FOCAD: variants seen among roughly 807,000 people sequenced by gnomAD.
FOCAD encodes focadhesin, also known as KIAA1797.
In FOCAD, 198 loss-of-function variants were observed where a neutral mutation model predicts 225.6. The observed-to-expected ratio is 0.88, with a 90% CI of 0.78 to 0.99. The LOEUF is 0.99. Ranked by LOEUF, FOCAD falls within the 50% of genes least tolerant of loss-of-function variation. The pLI is 0.00. For synonymous variants in FOCAD, 897 were observed against 755.0 expected (o/e 1.19, Z -3.08); for missense variants, 2,713 against 2,123.6 (o/e 1.28, Z -5.46).
At chr9:20,867,349 A>G (rs959538132) in intron 18 of FOCAD, among the ~76,000 whole-genome samples, 1 of 151,992 alleles carries the variant, frequency 6.6e-6, no homozygotes, top group Non-Finnish European at 1.5e-5. Flanking sequence ...CTAAGATTTT[A>G]TAGCACCTGT....
intron 8 of FOCAD, among the ~76,000 whole-genome samples, chr9:20,778,014 C>T (rs1292106261): frequency 1.5e-5 from 2 of 136,176 alleles, no homozygotes; most frequent in South Asian, 2.3e-4. Context: ...GGCGTGAACC[C>T]GGAAGGCGGA....
intron 15 of FOCAD, among the ~76,000 whole-genome samples, chr9:20,857,105 T>C (rs1490237591): frequency 1.3e-5 from 2 of 152,102 alleles, no homozygotes; most frequent in Non-Finnish European, 2.9e-5. Context: ...TTTAGCATTA[T>C]GTTTTCTGTT....
chr9:20,678,414 G>T (rs191068371), intron 2 of FOCAD, among the ~76,000 whole-genome samples: 1 of 152,238 alleles, frequency 6.6e-6, no homozygotes, highest in East Asian at 1.9e-4. Context: ...ATCCAGGAGG[G>T]ACCAGCAAAA....
At chr9:20,716,238 G>A in intron 2 of FOCAD, 1 of 392,588 alleles carries the variant, frequency 2.5e-6, no homozygotes, top group Non-Finnish European at 6.0e-6. Context: ...AAGGCTTGGA[G>A]GATACTATTC....
At chr9:20,732,228 T>C (rs1826775922) in intron 4 of FOCAD, among the ~76,000 whole-genome samples, 1 of 152,192 alleles carries the variant, frequency 6.6e-6, no homozygotes, top group Admixed American at 6.5e-5. Context: ...AATTGCCTAG[T>C]TATAGAAACT....
intron 2 of FOCAD, among the ~76,000 whole-genome samples, chr9:20,666,823 G>T (rs927209113): frequency 6.6e-6 from 1 of 152,110 alleles, no homozygotes; most frequent in East Asian, 1.9e-4. Flanking sequence ...ATATGAGTGG[G>T]AAAAGCACAT....
intron 21 of FOCAD, among the ~76,000 whole-genome samples, chr9:20,897,645 A>G (rs1446780525): frequency 6.6e-6 from 1 of 151,802 alleles, no homozygotes; most frequent in Non-Finnish European, 1.5e-5. Context: ...ATACTTTATA[A>G]TAACAAATAA....
At chr9:20,976,002 A>G (rs1564229815) in intron 35 of FOCAD, among the ~76,000 whole-genome samples, 1 of 152,186 alleles carries the variant, frequency 6.6e-6, no homozygotes. Context: ...GTTCTAAAGC[A>G]CTGTAGGGTA....
chr9:20,778,420 C>T (rs1819011020), intron 8 of FOCAD, among the ~76,000 whole-genome samples: 1 of 152,180 alleles, frequency 6.6e-6, no homozygotes, highest in Admixed American at 6.5e-5. Flanking sequence ...CGGGGTTTCA[C>T]CAAGTTGGCT....
chr9:20,795,679 G>T (rs1385398885), intron 11 of FOCAD, among the ~76,000 whole-genome samples: 1 of 150,044 alleles, frequency 6.7e-6, no homozygotes, highest in African/African-American at 2.5e-5. Flanking sequence ...AGCTACTCGG[G>T]AGTCTGAGGC....
At chr9:20,771,824 G>T (rs1325114464) in intron 8 of FOCAD, among the ~76,000 whole-genome samples, 1 of 152,186 alleles carries the variant, frequency 6.6e-6, no homozygotes, top group African/African-American at 2.4e-5. Flanking sequence ...AGCACAGGGT[G>T]CTGGCTGATT....
At chr9:20,892,735 T>A (rs1283151680) in intron 21 of FOCAD, among the ~76,000 whole-genome samples, 1 of 152,190 alleles carries the variant, frequency 6.6e-6, no homozygotes, top group Non-Finnish European at 1.5e-5. Flanking sequence ...TAATGTGGTA[T>A]CAATGTTTGA....
intron 2 of FOCAD, chr9:20,658,876 A>AAGT (rs1360059381): frequency 6.6e-6 from 1 of 152,418 alleles, no homozygotes; most frequent in Non-Finnish European, 1.5e-5. Flanking sequence ...TCCTATGCTG[A>AAGT]AGTTCCAACC....
At chr9:20,760,190 C>G (rs1027250396) in intron 6 of FOCAD, among the ~76,000 whole-genome samples, 25 of 152,324 alleles carry the variant, frequency 1.6e-4, no homozygotes, top group African/African-American at 5.3e-4. Context: ...ATGCTTAAGT[C>G]TCTGTGGCTG....
intron 11 of FOCAD, among the ~76,000 whole-genome samples, chr9:20,796,404 T>C (rs1013246706): frequency 1.3e-5 from 2 of 152,352 alleles, no homozygotes; most frequent in Admixed American, 6.5e-5. Context: ...ACTTCCACAA[T>C]GGTTGAACTA....
Position 20,703,589 on chromosome 9 carries a change from T to C in FOCAD, c.-32-11733T>C, listed in dbSNP as rs1043214506. On this transcript the variant is annotated intron_variant, in intron 1 of 43. Transcript: ENST00000338382. ...CCTTGGGGCTGGTGTCTTATTTCTC[T>C]CTAGTGACTTGCATACAAGATCCCA... Among the ~76,000 whole-genome samples, 43 of 152,192 alleles carry C rather than the reference T, an allele frequency of 2.8e-4. 1 individual carries two copies. The highest frequency in any genetic ancestry group is 1.0e-3 in the African/African-American group (43 of 41,530).
At chr9:20,773,879 G>C (rs908876073) in intron 8 of FOCAD, among the ~76,000 whole-genome samples, 3 of 152,130 alleles carry the variant, frequency 2.0e-5, no homozygotes, top group Non-Finnish European at 4.4e-5. Flanking sequence ...TAATACAGTG[G>C]TCCCCAATGC....
intron 4 of FOCAD, among the ~76,000 whole-genome samples, chr9:20,728,334 A>T (rs1392959162): frequency 6.6e-6 from 1 of 152,180 alleles, no homozygotes; most frequent in African/African-American, 2.4e-5. Flanking sequence ...AAATTCATTT[A>T]TATTTCATGT....
At chr9:20,744,553 C>G (rs971780971) in intron 5 of FOCAD, among the ~76,000 whole-genome samples, 1 of 152,198 alleles carries the variant, frequency 6.6e-6, no homozygotes, top group African/African-American at 2.4e-5. Context: ...GTATAAAACT[C>G]TAGACCCATG....
Sources: gnomAD v4.1 joint callset for allele counts (sites outside exome capture counted in the v4.1 genomes callset) on GRCh38, gnomAD v4.1.1 for gene constraint, MANE v1.5 for transcripts, NCBI Gene and HGNC (gene_info 2026-07-23, HGNC 2026-07-21) for gene names.